Variants in MEF2C observed in about 807,000 individuals in gnomAD.
MEF2C encodes myocyte enhancer factor 2C, also known as myocyte-specific enhancer factor 2C.
MEF2C carries 6 observed loss-of-function variants against 50.5 expected under a neutral mutation model. The ratio of observed to expected loss-of-function variants is 0.12; its 90% confidence interval spans 0.07 to 0.23. The LOEUF is 0.23. Among genes scored for constraint, MEF2C ranks in the 10% least tolerant of loss-of-function variants. The probability of loss-of-function intolerance (pLI) is 1.00; values close to 1 mark genes in which losing one functional copy is unlikely to be tolerated. For synonymous variants in MEF2C, 183 were observed against 228.0 expected, an observed-to-expected ratio of 0.80 and a Z score of 1.78; for missense variants, 276 against 605.0, an observed-to-expected ratio of 0.46 and a Z score of 5.70.
rs1305757586 is a variant in MEF2C at position 88,718,438 on chromosome 5, C to T, written c.*4166G>A. The stretch of plus-strand genomic sequence containing the variant: ...AGTGGCGACAAAGTCCAGCTTATGC[C>T]GCTGTGAGCCTCTATTTGAATATTT... On this transcript the variant is annotated 3_prime_UTR_variant, in exon 11 of 11. Coordinates refer to ENST00000504921, the MANE Select transcript of MEF2C (RefSeq NM_002397.5). The T allele has an allele frequency of 6.6e-6, 1 of 152,044 alleles. No homozygotes were observed. Among genetic ancestry groups the T allele is most frequent in the Non-Finnish European group, 1.5e-5 (1 of 68,022 alleles). The allele number at this position is 152,044 out of a possible 1,614,324, so 9.4% of individuals were successfully genotyped here.
rs116262293 is a variant in MEF2C at position 88,780,792 on chromosome 5, T to G, written c.259-19464A>C. On this transcript the variant is annotated intron_variant, in intron 3 of 10. Transcript: ENST00000504921. Reference sequence around the variant, plus strand: ...TGGCAGCATAGGGACACTTGTGTTATCCTTGCTAATTACTTCCATTGTCTT... The same window carrying G: ...TGGCAGCATAGGGACACTTGTGTTAGCCTTGCTAATTACTTCCATTGTCTT... 2.2e-3 allele frequency: 2,132 copies of G among 985,476 alleles called. 27 individuals are homozygous for G. In the African/African-American group the frequency reaches 0.034, roughly 16 times the overall value. 61.0% of individuals were successfully genotyped at this position (985,476 alleles called of 1,614,324 possible).
At chr5:88,787,155 G>A (rs552869683) in intron 3 of MEF2C, among the ~76,000 whole-genome samples, 4 of 152,082 alleles carry the variant, frequency 2.6e-5, no homozygotes, top group South Asian at 2.1e-4. Context: ...AAATCAATTC[G>A]TTGACCTTTG....
chr5:88,881,942 C>G (rs1008707401), intron 1 of MEF2C, among the ~76,000 whole-genome samples: 12 of 152,112 alleles, frequency 7.9e-5, no homozygotes, highest in South Asian at 2.1e-4. Flanking sequence ...CTACTGTCAG[C>G]ATTTACATAT....
rs1755343056 is a variant in MEF2C, at chr5:88,718,820, AACATAT to A, written c.*3778_*3783del. ...TGGATTGCTCCACATCTTTGGTTAAAACATATTAAGAAAAGCCTTTAATTACATCTG... is the reference window on the plus strand; with the variant it reads ...TGGATTGCTCCACATCTTTGGTTAAATAAGAAAAGCCTTTAATTACATCTG... On this transcript the variant is annotated 3_prime_UTR_variant, in exon 11 of 11. Transcript: ENST00000504921. 1 of 152,224 alleles carries A rather than the reference AACATAT, an allele frequency of 6.6e-6. No individual in the cohort carries two copies. 9.4% of individuals were successfully genotyped at this position (152,224 alleles called of 1,614,324 possible).
intron 3 of MEF2C, among the ~76,000 whole-genome samples, chr5:88,791,464 ACT>A (rs1420534927): frequency 2.0e-5 from 3 of 152,112 alleles, no homozygotes; most frequent in Non-Finnish European, 4.4e-5. Context: ...TTATCTGCTC[ACT>A]GTGTTCATAC....
chr5:88,900,607 T>C (rs1582060210), intron 1 of MEF2C, among the ~76,000 whole-genome samples: 1 of 152,008 alleles, frequency 6.6e-6, no homozygotes, highest in East Asian at 1.9e-4. Context: ...ATAGTCTTTG[T>C]ATTTTTTAGA....
At chr5:88,754,355 G>A (rs768111012) in intron 4 of MEF2C, among the ~76,000 whole-genome samples, 2 of 152,194 alleles carry the variant, frequency 1.3e-5, no homozygotes, top group Non-Finnish European at 1.5e-5. Context: ...TCTAGAGATA[G>A]GAACAGCTTC....
chr5:88,900,904 G>T (rs1835588493), intron 1 of MEF2C, among the ~76,000 whole-genome samples: 1 of 151,986 alleles, frequency 6.6e-6, no homozygotes, highest in East Asian at 1.9e-4. Context: ...TTGAAAATGA[G>T]AAGCTGAAAG....
At chr5:88,729,665 G>C in intron 8 of MEF2C, 1 of 287,714 alleles carries the variant, frequency 3.5e-6, no homozygotes, top group Non-Finnish European at 6.6e-6. Flanking sequence ...CATTGTTTCA[G>C]TTTTCATTCA....
rs66505441 is a variant in MEF2C at position 88,734,565 on chromosome 5, GTTTTTTTTTTTTTTTTTT to G, written c.638-2682_638-2665del. 137 of 541,960 alleles carry G rather than the reference GTTTTTTTTTTTTTTTTTT, an allele frequency of 2.5e-4. 1 individual carries two copies. In the African/African-American group the frequency reaches 5.9e-3, roughly 23 times the overall value. 33.6% of individuals were successfully genotyped at this position (541,960 alleles called of 1,614,324 possible). On this transcript the variant is annotated intron_variant, in intron 6 of 10. Coordinates refer to ENST00000504921, the MANE Select transcript of MEF2C (RefSeq NM_002397.5). ...TTCACGGAGGCCTTGAGAAAAGTTT[GTTTTTTTTTTTTTTTTTT>G]TTTTTTTTTTTTTTTAGCATTTTCT...
At chr5:88,756,898 A>C (rs1775617214) in intron 4 of MEF2C, among the ~76,000 whole-genome samples, 1 of 151,926 alleles carries the variant, frequency 6.6e-6, no homozygotes, top group African/African-American at 2.4e-5. Context: ...GATAGGAAGA[A>C]AGAGAGAATT....
chr5:88,876,840 C>A (rs1831210219), intron 1 of MEF2C, among the ~76,000 whole-genome samples: 1 of 151,832 alleles, frequency 6.6e-6, no homozygotes, highest in South Asian at 2.1e-4. Context: ...TATCTGAGAG[C>A]AATTTATATG....
intron 1 of MEF2C, among the ~76,000 whole-genome samples, chr5:88,849,357 C>T (rs1304348498): frequency 2.0e-5 from 3 of 152,066 alleles, no homozygotes; most frequent in Non-Finnish European, 4.4e-5. Flanking sequence ...TGGGAAATAT[C>T]TCTTCTTTGT....
chr5:88,886,030 C>T (rs748029262), upstream of MEF2C, among the ~76,000 whole-genome samples: 1 of 152,132 alleles, frequency 6.6e-6, no homozygotes, highest in Non-Finnish European at 1.5e-5. Context: ...TAACCCCACA[C>T]TGGATAATTT....
Position 88,849,306 on chromosome 5 carries a change from A to G in MEF2C, c.-142-25376T>C, listed in dbSNP as rs189074492. Among the ~76,000 whole-genome samples, 150 of 152,316 alleles carry G rather than the reference A, an allele frequency of 9.8e-4. 6 individuals are homozygous for G. In the East Asian group the frequency reaches 0.022, roughly 23 times the overall value. ...TTAACCCTTAAAATTCACATATCTA[A>G]GAGCCAGCACACATGATTTTGGCTA... is the stretch of plus-strand genomic sequence containing the variant. On this transcript the variant is annotated intron_variant, in intron 1 of 10. Transcript: ENST00000504921.
chr5:88,782,713 C>G (rs1204999027), intron 3 of MEF2C, among the ~76,000 whole-genome samples: 1 of 152,156 alleles, frequency 6.6e-6, no homozygotes, highest in Non-Finnish European at 1.5e-5. Context: ...CATATACATA[C>G]TTACAAAACG....
chr5:88,898,099 G>A (rs551911651), intron 1 of MEF2C, among the ~76,000 whole-genome samples: 6 of 151,836 alleles, frequency 4.0e-5, no homozygotes, highest in African/African-American at 1.4e-4. Context: ...TTTTCTCTCC[G>A]TTTGTTATTC....
At chr5:88,743,514 T>C in intron 6 of MEF2C, 2 of 983,640 alleles carry the variant, frequency 2.0e-6, no homozygotes, top group South Asian at 9.4e-5. Flanking sequence ...TTTTTCTTTT[T>C]CAATGCTAGA....
At chr5:88,857,321 G>A (rs1823798099) in intron 1 of MEF2C, among the ~76,000 whole-genome samples, 1 of 152,168 alleles carries the variant, frequency 6.6e-6, no homozygotes, top group African/African-American at 2.4e-5. Flanking sequence ...TAACTAACAT[G>A]CTTTTGATTT....
Sources: allele counts gnomAD v4.1 joint callset (sites outside exome capture counted in the v4.1 genomes callset), GRCh38; gene constraint gnomAD v4.1.1; transcripts MANE v1.5; gene names NCBI Gene and HGNC (gene_info 2026-07-23, HGNC 2026-07-21).